Variants in LPAR3 observed in about 807,000 individuals in gnomAD.
LPAR3 encodes the protein lysophosphatidic acid receptor 3.
A neutral mutation model predicts 17.8 loss-of-function variants in LPAR3; 7 were observed. That is an observed-to-expected ratio of 0.39 (90% CI 0.22 to 0.74). LPAR3 has a LOEUF of 0.74. Ranked by LOEUF, LPAR3 falls within the 30% of genes least tolerant of loss-of-function variation. The probability of loss-of-function intolerance (pLI) is 0.40; values close to 1 mark genes in which losing one functional copy is unlikely to be tolerated. For synonymous variants in LPAR3, 179 were observed against 179.9 expected, an observed-to-expected ratio of 0.99 and a Z score of 0.04; for missense variants, 391 against 453.4, an observed-to-expected ratio of 0.86 and a Z score of 1.25.
At chr1:84,828,057 T>C (rs1489069905) in intron 2 of LPAR3, among the ~76,000 whole-genome samples, 1 of 152,088 alleles carries the variant, frequency 6.6e-6, no homozygotes, top group Non-Finnish European at 1.5e-5. Flanking sequence ...TATTTATAGC[T>C]CAGTTACAAA....
intron 2 of LPAR3, among the ~76,000 whole-genome samples, chr1:84,826,627 AAC>A (rs1659162578): frequency 1.3e-5 from 2 of 152,184 alleles, no homozygotes; most frequent in South Asian, 2.1e-4. Flanking sequence ...CAAAAAAAAA[AAC>A]AGGTTACAAA....
intron 2 of LPAR3, among the ~76,000 whole-genome samples, chr1:84,837,610 T>C (rs1659431249): frequency 6.6e-6 from 1 of 152,188 alleles, no homozygotes; most frequent in South Asian, 2.1e-4. Context: ...CTTTATTATA[T>C]ATGTTATTAC....
intron 2 of LPAR3, among the ~76,000 whole-genome samples, chr1:84,832,511 C>T (rs183694868): frequency 3.6e-4 from 55 of 152,136 alleles, no homozygotes; most frequent in Non-Finnish European, 6.5e-4. Flanking sequence ...TAATTGAAGA[C>T]GACATGATAA....
intron 1 of LPAR3, among the ~76,000 whole-genome samples, chr1:84,887,281 G>A (rs981715682): frequency 1.3e-5 from 2 of 151,910 alleles, no homozygotes; most frequent in African/African-American, 4.8e-5. Flanking sequence ...GGGGGCTGAG[G>A]CAGGAGGATC....
chr1:84,814,850 G>A (rs1401214739), intron 2 of LPAR3, among the ~76,000 whole-genome samples: 2 of 152,078 alleles, frequency 1.3e-5, no homozygotes, highest in Non-Finnish European at 2.9e-5. Flanking sequence ...CTTTCATGAT[G>A]AGATAGTTAA....
chr1:84,887,682 T>C (rs914366450), intron 1 of LPAR3, among the ~76,000 whole-genome samples: 2 of 152,124 alleles, frequency 1.3e-5, no homozygotes, highest in South Asian at 2.1e-4. Flanking sequence ...TGCCTTCTGT[T>C]GTAAGAAGCT....
intron 2 of LPAR3, among the ~76,000 whole-genome samples, chr1:84,839,428 C>A (rs1488409951): frequency 1.3e-5 from 2 of 152,154 alleles, no homozygotes; most frequent in African/African-American, 4.8e-5. Flanking sequence ...AATCCCAGCA[C>A]TTTGTGAAGC....
chr1:84,883,952 G>T (rs1042112697), intron 1 of LPAR3, among the ~76,000 whole-genome samples: 1 of 152,112 alleles, frequency 6.6e-6, no homozygotes, highest in Non-Finnish European at 1.5e-5. Context: ...AGAAATAATA[G>T]TTTCTTTTAA....
chr1:84,871,744 C>A (rs755724338), intron 1 of LPAR3, among the ~76,000 whole-genome samples: 1 of 152,114 alleles, frequency 6.6e-6, no homozygotes, highest in African/African-American at 2.4e-5. Context: ...ACATGAAATC[C>A]CAGAGGTTCA....
Position 84,814,163 on chromosome 1 carries a change from C to T in LPAR3, c.745G>A (p.Val249Met), listed in dbSNP as rs1411256374. Reference protein sequence around the residue: ...KTVMTVLGAFVVCWTPGLVVL... With the variant: ...KTVMTVLGAFMVCWTPGLVVL... ...ACCAGGCCCGGGGTCCAGCATACCA[C>T]AAACGCCCCTGCAAGGAGAGAAGAG... Residue 249 changes from valine (V) to methionine (M), a missense_variant, in exon 3 of 3, where the codon GTG (valine) becomes ATG (methionine). By Grantham distance (21) the Val-to-Met change is conservative. Transcript: ENST00000370611. 10 of 1,613,632 alleles carry T rather than the reference C, an allele frequency of 6.2e-6. No homozygotes were observed. The highest frequency in any genetic ancestry group is 8.5e-6 in the Non-Finnish European group (10 of 1,179,826).
intron 1 of LPAR3, among the ~76,000 whole-genome samples, chr1:84,869,105 A>G (rs1325275): frequency 0.66 from 100,230 of 152,032 alleles, 33,737 homozygotes; most frequent in African/African-American, 0.79. Context: ...CAAAAATACT[A>G]CTCAAATTTT....
intron 1 of LPAR3, among the ~76,000 whole-genome samples, chr1:84,883,721 G>GTT (rs74859279): frequency 1.5e-5 from 2 of 136,676 alleles, no homozygotes; most frequent in Admixed American, 7.3e-5. Context: ...GGATTTTTTT[G>GTT]TTTTTTTTTT....
Position 84,865,559 on chromosome 1 carries a change from G to A in LPAR3, c.562C>T (p.Leu188Phe). Residue 188 changes from leucine (L) to phenylalanine (F), a missense_variant, in exon 2 of 3, where the codon CTT becomes TTT. Transcript: ENST00000370611. ...SLAPIYSRSY[L>F]VFWTVSNLMA... is the part of the protein sequence containing the mutation. ...AGGTTGGACACTGTCCAGAAAACAA[G>A]GTAACTCCTGCTGTAAATGGGGGCC... 1 of 1,614,180 alleles carries A rather than the reference G, an allele frequency of 6.2e-7. No individual in the cohort carries two copies. The highest frequency in any genetic ancestry group is 8.5e-7 in the Non-Finnish European group (1 of 1,180,042).
At chr1:84,879,803 C>T (rs1362882994) in intron 1 of LPAR3, among the ~76,000 whole-genome samples, 1 of 152,140 alleles carries the variant, frequency 6.6e-6, no homozygotes, top group East Asian at 1.9e-4. Context: ...TGAAGGTGCC[C>T]TCCTCCATGC....
At chr1:84,818,384 T>A (rs1658982573) in intron 2 of LPAR3, among the ~76,000 whole-genome samples, 1 of 152,114 alleles carries the variant, frequency 6.6e-6, no homozygotes, top group South Asian at 2.1e-4. Flanking sequence ...GGGAGAAAAC[T>A]TTCATGACAA....
chr1:84,865,240 A>G, intron 2 of LPAR3, 145 bp downstream of exon 2: 1 of 772,058 alleles, frequency 1.3e-6, no homozygotes, highest in East Asian at 2.7e-5. Context: ...ATTAGAGTGT[A>G]AGCTCCAGGT....
intron 2 of LPAR3, among the ~76,000 whole-genome samples, chr1:84,854,077 G>A (rs1287665231): frequency 6.6e-6 from 1 of 152,092 alleles, no homozygotes; most frequent in Non-Finnish European, 1.5e-5. Flanking sequence ...AAGTCCACAG[G>A]ACCCTAGGAT....
chr1:84,876,719 A>G (rs1660267483), intron 1 of LPAR3, among the ~76,000 whole-genome samples: 1 of 152,212 alleles, frequency 6.6e-6, no homozygotes, highest in South Asian at 2.1e-4. Flanking sequence ...TGTCTTTCAA[A>G]GTACATTGTA....
intron 1 of LPAR3, among the ~76,000 whole-genome samples, chr1:84,872,778 C>T (rs1031113445): frequency 2.0e-5 from 3 of 151,980 alleles, no homozygotes; most frequent in Non-Finnish European, 2.9e-5. Flanking sequence ...ATGGGGCGGG[C>T]GGTGGGGGCA....
Sources: allele counts gnomAD v4.1 joint callset (sites outside exome capture counted in the v4.1 genomes callset), GRCh38; gene constraint gnomAD v4.1.1; transcripts MANE v1.5; gene names NCBI Gene and HGNC (gene_info 2026-07-23, HGNC 2026-07-21).